Variants in WRN observed in about 807,000 individuals in gnomAD.
WRN encodes WRN RecQ like helicase, also known as bifunctional 3'-5' exonuclease/ATP-dependent helicase WRN.
WRN carries 149 observed loss-of-function variants against 180.7 expected under a neutral mutation model. The ratio of observed to expected loss-of-function variants is 0.82; its 90% CI spans 0.72 to 0.94. The LOEUF (loss-of-function observed/expected upper bound fraction) is 0.94. WRN is among the 40% of genes least tolerant of loss of function. The pLI, the probability that WRN is intolerant of heterozygous loss-of-function variation, is 0.00. For synonymous variants in WRN, 548 were observed against 568.9 expected (o/e 0.96, Z 0.52); for missense variants, 1,661 against 1,700.1 (o/e 0.98, Z 0.40).
intron 20 of WRN, among the ~76,000 whole-genome samples, chr8:31,118,602 A>G (rs1024578279): frequency 6.6e-6 from 1 of 152,002 alleles, no homozygotes; most frequent in African/African-American, 2.4e-5. Context: ...TACAGTTGTT[A>G]TATACCTTAG....
chr8:31,095,977 A>G (rs993677212), intron 16 of WRN, among the ~76,000 whole-genome samples: 1 of 152,170 alleles, frequency 6.6e-6, no homozygotes, highest in Admixed American at 6.5e-5. Context: ...CTTGATAGTT[A>G]TTGTCACCGT....
Position 31,173,925 on chromosome 8 carries a change from C to T in WRN, c.*823C>T, listed in dbSNP as rs952632055. On this transcript the variant is annotated 3_prime_UTR_variant, in exon 35 of 35. Transcript: ENST00000298139. ...TAAACGATGATTATTTAACTTTAAG[C>T]AGTTCACCATCCATTTCAAAGCCTT... is the stretch of plus-strand genomic sequence containing the variant. Among the ~76,000 whole-genome samples the T allele has an allele frequency of 1.3e-5, 2 of 152,132 alleles. No individual in the cohort carries two copies. Among genetic ancestry groups the T allele is most frequent in the Non-Finnish European group, 2.9e-5 (2 of 68,030 alleles).
At position 31,132,513 on chromosome 8, in the gene WRN, A is replaced by G. The variant is rs748577918; in HGVS notation, c.2967+7A>G. On this transcript the variant is annotated splice_region_variant and intron_variant, in intron 24 of 34. Transcript: ENST00000298139. The stretch of plus-strand genomic sequence containing the variant: ...TTTATTTCTCCGAGGATCTGTAAGT[A>G]TATATCTGTGAATTCCCTTCATAGA... The G allele has an allele frequency of 1.2e-6, 2 of 1,614,150 alleles. No individual in the cohort carries two copies. Among genetic ancestry groups the G allele is most frequent in the South Asian group, 1.1e-5 (1 of 91,086 alleles).
At chr8:31,074,589 A>C (rs1813031567) in intron 7 of WRN, among the ~76,000 whole-genome samples, 1 of 152,116 alleles carries the variant, frequency 6.6e-6, no homozygotes, top group African/African-American at 2.4e-5. Flanking sequence ...GTGCGTTTGA[A>C]ATCTGTCATG....
At chr8:31,155,954 A>G (rs2737339) in intron 32 of WRN, among the ~76,000 whole-genome samples, 55,049 of 151,994 alleles carry the variant, frequency 0.36, 10,430 homozygotes, top group East Asian at 0.62. Context: ...TAAATGCTCT[A>G]ATTTGACAGT....
At position 31,174,233 on chromosome 8, in the gene WRN, A is replaced by C. The variant is rs1804199602; in HGVS notation, c.*1131A>C. Among the ~76,000 whole-genome samples the C allele has an allele frequency of 6.6e-6, 1 of 151,940 alleles. No individual in the cohort carries two copies. The highest frequency in any genetic ancestry group is 1.5e-5 in the Non-Finnish European group (1 of 68,044). Reference sequence around the variant, plus strand: ...ATATGTGATATGTTGTTGTCCAGCCATGGCTTCTGCATTTGCATGCTTTTG... The same window carrying C: ...ATATGTGATATGTTGTTGTCCAGCCCTGGCTTCTGCATTTGCATGCTTTTG... On this transcript the variant is annotated 3_prime_UTR_variant, in exon 35 of 35. Coordinates refer to ENST00000298139, the MANE Select transcript of WRN (RefSeq NM_000553.6).
At chr8:31,087,707 T>G in intron 11 of WRN, 69 bp from the exon 12 acceptor site, 1 of 1,516,096 alleles carries the variant, frequency 6.6e-7, no homozygotes, top group Non-Finnish European at 9.1e-7. Context: ...TAATAGTCCT[T>G]TTGTGTTTGG....
chr8:31,079,880 T>C (rs1450213587), intron 8 of WRN, among the ~76,000 whole-genome samples: 2 of 150,734 alleles, frequency 1.3e-5, no homozygotes, highest in Admixed American at 1.4e-4. Context: ...AAATTTTCTT[T>C]CTTTTTTTTT....
At chr8:31,040,457 G>A (rs966759254) in intron 1 of WRN, among the ~76,000 whole-genome samples, 1 of 152,098 alleles carries the variant, frequency 6.6e-6, no homozygotes, top group African/African-American at 2.4e-5. Context: ...AGATTGGGGA[G>A]GTAAGAAGGA....
intron 7 of WRN, among the ~76,000 whole-genome samples, chr8:31,073,767 A>G (rs1371693943): frequency 1.3e-5 from 2 of 152,170 alleles, no homozygotes; most frequent in Non-Finnish European, 2.9e-5. Flanking sequence ...AGGGAAGTAC[A>G]GGAGGTGTTT....
At chr8:31,079,241 G>T (rs974084645) in intron 8 of WRN, among the ~76,000 whole-genome samples, 2 of 152,142 alleles carry the variant, frequency 1.3e-5, no homozygotes, top group Non-Finnish European at 2.9e-5. Context: ...AGTGATGGAA[G>T]TAACTGGAAA....
chr8:31,111,839 CTTT>C (rs111854110), intron 19 of WRN, 40 bp downstream of exon 19: 14 of 1,316,304 alleles, frequency 1.1e-5, no homozygotes, highest in African/African-American at 4.4e-5. Flanking sequence ...TAATGATTTC[CTTT>C]TTTTTTTTTT....
chr8:31,078,202 G>T (rs1202107937), intron 8 of WRN, among the ~76,000 whole-genome samples: 2 of 152,084 alleles, frequency 1.3e-5, no homozygotes, highest in Non-Finnish European at 2.9e-5. Flanking sequence ...AGCTGAATAG[G>T]TTTTCTTAAA....
chr8:31,150,587 A>C, intron 31 of WRN, 132 bp downstream of exon 31: 2 of 772,360 alleles, frequency 2.6e-6, no homozygotes, highest in Non-Finnish European at 4.4e-6. Flanking sequence ...AAATGAATTA[A>C]AATTGTTTTT....
intron 20 of WRN, among the ~76,000 whole-genome samples, 160 bp downstream of exon 20, chr8:31,116,688 T>G (rs767558544): frequency 6.6e-6 from 1 of 152,208 alleles, no homozygotes; most frequent in Non-Finnish European, 1.5e-5. Flanking sequence ...TTAGTATAAA[T>G]AGCAATCTGT....
At chr8:31,117,285 A>G (rs1305066272) in intron 20 of WRN, among the ~76,000 whole-genome samples, 1 of 152,192 alleles carries the variant, frequency 6.6e-6, no homozygotes, top group Non-Finnish European at 1.5e-5. Flanking sequence ...TTGGGGTCTT[A>G]TAATCCTTGG....
chr8:31,168,951 A>G (rs1489396092), intron 34 of WRN, among the ~76,000 whole-genome samples: 3 of 152,172 alleles, frequency 2.0e-5, no homozygotes, highest in South Asian at 2.1e-4. Context: ...TTCTGATTCA[A>G]TATCCATAGG....
intron 24 of WRN, among the ~76,000 whole-genome samples, chr8:31,137,750 T>G (rs1300765717): frequency 1.3e-5 from 2 of 151,886 alleles, no homozygotes; most frequent in Non-Finnish European, 2.9e-5. Flanking sequence ...AGCCCCCACA[T>G]GTATGTATAT....
At chr8:31,077,594 CAT>C (rs1813146139) in intron 8 of WRN, among the ~76,000 whole-genome samples, 1 of 152,190 alleles carries the variant, frequency 6.6e-6, no homozygotes, top group Admixed American at 6.5e-5. Flanking sequence ...ATTTCTTACT[CAT>C]GTATACATTT....
Sources: gnomAD v4.1 joint callset for allele counts (sites outside exome capture counted in the v4.1 genomes callset) on GRCh38, gnomAD v4.1.1 for gene constraint, MANE v1.5 for transcripts, NCBI Gene and HGNC (gene_info 2026-07-23, HGNC 2026-07-21) for gene names.